The following TMEM123 variants were observed in gnomAD, a reference collection of about 807,000 sequenced individuals.
TMEM123 encodes transmembrane protein 123.
In TMEM123, 16 loss-of-function variants were observed where a neutral mutation model predicts 19.7. The observed-to-expected ratio is 0.81, with a 90% CI of 0.55 to 1.23. The LOEUF is 1.23. Among genes scored for constraint, TMEM123 ranks in the 50% most tolerant of loss-of-function variants. The probability of loss-of-function intolerance (pLI) is 0.00; values close to 1 mark genes in which losing one functional copy is unlikely to be tolerated. For missense variants in TMEM123, 313 were observed against 257.8 expected, an observed-to-expected ratio of 1.21 and a Z score of -1.47; for synonymous variants, 118 against 99.4, an observed-to-expected ratio of 1.19 and a Z score of -1.12.
chr11:102,401,312 G>C (rs1001396419), intron 4 of TMEM123, among the ~76,000 whole-genome samples: 1 of 152,184 alleles, frequency 6.6e-6, no homozygotes, highest in South Asian at 2.1e-4. Context: ...TTTGACACTA[G>C]TAAAATACAT....
intron 2 of TMEM123, among the ~76,000 whole-genome samples, chr11:102,446,720 A>G (rs1857888082): frequency 6.6e-6 from 1 of 152,198 alleles, no homozygotes; most frequent in South Asian, 2.1e-4. Context: ...CAAGAGAAAA[A>G]AAGATTCTCT....
chr11:102,408,943 A>T (rs1328565692), intron 2 of TMEM123, among the ~76,000 whole-genome samples: 1 of 152,346 alleles, frequency 6.6e-6, no homozygotes, highest in East Asian at 1.9e-4. Flanking sequence ...TACTCCTCAA[A>T]GTCTGGATTC....
intron 2 of TMEM123, among the ~76,000 whole-genome samples, chr11:102,442,145 C>A (rs2135863980): frequency 6.6e-6 from 1 of 152,300 alleles, no homozygotes; most frequent in African/African-American, 2.4e-5. Context: ...GGTAGCACTC[C>A]TTCTGAAACT....
intron 2 of TMEM123, among the ~76,000 whole-genome samples, chr11:102,410,564 A>G (rs1951996317): frequency 6.6e-6 from 1 of 151,522 alleles, no homozygotes; most frequent in Non-Finnish European, 1.5e-5. Flanking sequence ...GGCTAGACTG[A>G]TATTTTCCCT....
chr11:102,404,526 C>G (rs935949502), intron 2 of TMEM123, among the ~76,000 whole-genome samples: 1 of 151,772 alleles, frequency 6.6e-6, no homozygotes, highest in Non-Finnish European at 1.5e-5. Flanking sequence ...TCAGGTGATC[C>G]GCCCACCTCA....
chr11:102,403,787 T>G (rs1289509938), intron 2 of TMEM123, among the ~76,000 whole-genome samples: 1 of 152,184 alleles, frequency 6.6e-6, no homozygotes, highest in Non-Finnish European at 1.5e-5. Context: ...TGAGTTCTCA[T>G]TCTGGCAAAA....
At chr11:102,446,610 A>G (rs771287622) in intron 2 of TMEM123, among the ~76,000 whole-genome samples, 2 of 152,252 alleles carry the variant, frequency 1.3e-5, no homozygotes, top group Non-Finnish European at 2.9e-5. Context: ...ACCAACCAAA[A>G]ACATACATAT....
At chr11:102,438,965 C>A (rs911617359) in intron 2 of TMEM123, among the ~76,000 whole-genome samples, 1 of 152,220 alleles carries the variant, frequency 6.6e-6, no homozygotes, top group Non-Finnish European at 1.5e-5. Flanking sequence ...CAGAGGGTCC[C>A]ACACCCACGA....
At chr11:102,413,121 T>C (rs1253941814) in intron 2 of TMEM123, among the ~76,000 whole-genome samples, 1 of 152,198 alleles carries the variant, frequency 6.6e-6, no homozygotes, top group Non-Finnish European at 1.5e-5. Context: ...GAACTTTTGA[T>C]GTGAGAGTAA....
intron 2 of TMEM123, among the ~76,000 whole-genome samples, chr11:102,429,758 T>A (rs1952159903): frequency 6.6e-6 from 1 of 152,226 alleles, no homozygotes; most frequent in Non-Finnish European, 1.5e-5. Flanking sequence ...CCAGACTCAC[T>A]GCAATCAAAT....
chr11:102,428,577 G>A (rs1361666694), intron 2 of TMEM123, among the ~76,000 whole-genome samples: 1 of 151,310 alleles, frequency 6.6e-6, no homozygotes, highest in Non-Finnish European at 1.5e-5. Context: ...AAAGTGCTGG[G>A]ATTACAGGTG....
At chr11:102,435,096 T>A (rs1019801247) in intron 2 of TMEM123, among the ~76,000 whole-genome samples, 2 of 151,916 alleles carry the variant, frequency 1.3e-5, no homozygotes, top group Non-Finnish European at 2.9e-5. Flanking sequence ...TCCCAGCACA[T>A]TGGGAGGCCA....
At chr11:102,448,441 TGA>T in intron 2 of TMEM123, 2 of 346,120 alleles carry the variant, frequency 5.8e-6, no homozygotes, top group Non-Finnish European at 1.1e-5. Context: ...CTGCCATGGC[TGA>T]CTAGTTTACA....
chr11:102,409,552 A>T (rs973436957), intron 2 of TMEM123, among the ~76,000 whole-genome samples: 9 of 142,942 alleles, frequency 6.3e-5, no homozygotes, highest in African/African-American at 2.2e-4. Flanking sequence ...AATCTAGATT[A>T]AAAAAAAAAA....
chr11:102,423,279 C>A (rs1952100806), intron 2 of TMEM123, among the ~76,000 whole-genome samples: 1 of 152,174 alleles, frequency 6.6e-6, no homozygotes, highest in African/African-American at 2.4e-5. Context: ...AAGCCTCATT[C>A]CACTTCTCTT....
intron 2 of TMEM123, among the ~76,000 whole-genome samples, chr11:102,416,141 C>G (rs964582634): frequency 1.3e-5 from 2 of 152,104 alleles, no homozygotes; most frequent in African/African-American, 4.8e-5. Context: ...TGTCAAACTC[C>G]CGACCTCAGG....
In TMEM123 at chr11:102,398,596, CAA is replaced by C. The variant is rs879132878; in HGVS notation, c.*269_*270del. 3.2e-4 allele frequency: 127 copies of C among 400,480 alleles called. No homozygotes were observed. Among genetic ancestry groups the C allele is most frequent in the South Asian group, 1.4e-3 (33 of 23,378 alleles). 24.8% of individuals were successfully genotyped at this position (400,480 alleles called of 1,614,324 possible). A position where few individuals can be genotyped will look rare whatever the true frequency, so the allele number is the denominator to read the frequency against. On this transcript the variant is annotated 3_prime_UTR_variant, in exon 5 of 5. Coordinates refer to ENST00000398136, the MANE Select transcript of TMEM123 (RefSeq NM_052932.3). ...ATGTGACCAATGCCCCCACCCCAGC[CAA>C]AAAAAAAAAGATAGGACTTGTTTGT...
At chr11:102,443,045 G>C (rs568255494) in intron 2 of TMEM123, among the ~76,000 whole-genome samples, 2 of 152,202 alleles carry the variant, frequency 1.3e-5, no homozygotes, top group Non-Finnish European at 2.9e-5. Context: ...CGAAATAAAA[G>C]AGGACACAAA....
chr11:102,448,898 A>C (rs1335803175), intron 1 of TMEM123, 30 bp from the exon 2 acceptor site: 1 of 1,609,254 alleles, frequency 6.2e-7, no homozygotes, highest in Non-Finnish European at 8.5e-7. Flanking sequence ...TCCTGTTATG[A>C]AAGAACATTT....
Sources: gnomAD v4.1 joint callset for allele counts (sites outside exome capture counted in the v4.1 genomes callset) on GRCh38, gnomAD v4.1.1 for gene constraint, MANE v1.5 for transcripts, NCBI Gene and HGNC (gene_info 2026-07-23, HGNC 2026-07-21) for gene names.